The following E2F5 variants were observed in gnomAD, a reference collection of about 807,000 sequenced individuals.
E2F5 encodes E2F transcription factor 5.
E2F5 carries 23 observed loss-of-function variants against 39.1 expected under a neutral mutation model. The ratio of observed to expected loss-of-function variants is 0.59; its 90% CI spans 0.42 to 0.83. E2F5 has a LOEUF of 0.83. Among genes scored for constraint, E2F5 ranks in the 40% least tolerant of loss-of-function variants. The probability of loss-of-function intolerance (pLI) is 0.00; values close to 1 mark genes in which losing one functional copy is unlikely to be tolerated. For synonymous variants in E2F5, 145 were observed against 157.8 expected (o/e 0.92, Z 0.61); for missense variants, 365 against 406.7 (o/e 0.90, Z 0.88).
At chr8:85,192,827 A>G (rs1223592256) in intron 1 of E2F5, among the ~76,000 whole-genome samples, 1 of 152,260 alleles carries the variant, frequency 6.6e-6, no homozygotes, top group East Asian at 1.9e-4. Flanking sequence ...GTAGCATGGT[A>G]TCTCTGAGTT....
intron 1 of E2F5, among the ~76,000 whole-genome samples, chr8:85,190,235 C>T (rs919962333): frequency 6.6e-6 from 1 of 152,012 alleles, no homozygotes; most frequent in Admixed American, 6.6e-5. Context: ...GACTTCTGCA[C>T]GTGTGTGAAA....
chr8:85,206,161 A>G lies in E2F5; in HGVS notation c.507-16A>G, dbSNP rs1317406139. 3.1e-6 allele frequency: 5 copies of G among 1,611,696 alleles called. No homozygotes were observed. The highest frequency in any genetic ancestry group is 3.4e-6 in the Non-Finnish European group (4 of 1,178,854). On this transcript the variant is annotated splice_polypyrimidine_tract_variant and intron_variant, in intron 3 of 7. Coordinates refer to ENST00000416274, the MANE Select transcript of E2F5 (RefSeq NM_001951.4). Reference sequence around the variant, plus strand: ...GGCTTGATATAAATGTCGTTCCTTAACTCCTATGACAGTACATTTTCCTAT... The same window carrying G: ...GGCTTGATATAAATGTCGTTCCTTAGCTCCTATGACAGTACATTTTCCTAT...
intron 6 of E2F5, among the ~76,000 whole-genome samples, chr8:85,211,661 T>TG (rs1563984389): frequency 7.1e-6 from 1 of 141,184 alleles, no homozygotes; most frequent in African/African-American, 2.7e-5. Flanking sequence ...TTTTTTTTTT[T>TG]TTTTTTTTTT....
chr8:85,211,436 T>C (rs949533960), intron 6 of E2F5, among the ~76,000 whole-genome samples: 4 of 151,474 alleles, frequency 2.6e-5, no homozygotes, highest in African/African-American at 9.7e-5. Flanking sequence ...GCTAAAACAG[T>C]GATTACAGTG....
Position 85,198,088 on chromosome 8 carries a change from C to G in E2F5, c.235-4059C>G, listed in dbSNP as rs534003814. Among the ~76,000 whole-genome samples, 38 of 152,320 alleles carry G rather than the reference C, an allele frequency of 2.5e-4. No homozygotes were observed. The South Asian group carries it at 7.3e-3, about 29-fold the overall frequency. On this transcript the variant is annotated intron_variant, in intron 1 of 7. Transcript: ENST00000416274. Reference sequence around the variant, plus strand: ...ATAAAAATCAACCAGAAGGAAATGTCTAACCTTTCTCCCTACCTGGTCTAC... The same window carrying G: ...ATAAAAATCAACCAGAAGGAAATGTGTAACCTTTCTCCCTACCTGGTCTAC...
In E2F5 at chr8:85,213,827, T is replaced by C; in HGVS notation, c.1006T>C (p.Cys336Arg). ...TAATTTAGATGATAACGAAGGAGTT[T>C]GTGATCTGTTTGATGTCCAGATACT... ...NFNLDDNEGV[C>R]DLFDVQILNY The change falls in exon 8 of 8, where the codon TGT becomes CGT. Residue 336 changes from cysteine (C) to arginine (R), a missense_variant. Coordinates refer to ENST00000416274, the MANE Select transcript of E2F5 (RefSeq NM_001951.4). 1.9e-6 allele frequency: 3 copies of C among 1,612,718 alleles called. No individual in the cohort carries two copies. Among genetic ancestry groups the C allele is most frequent in the Non-Finnish European group, 2.5e-6 (3 of 1,178,944 alleles).
rs772091053 is a variant in E2F5 at position 85,206,212 on chromosome 8, G to T, written c.542G>T (p.Cys181Phe). 1.2e-6 allele frequency: 2 copies of T among 1,612,746 alleles called. No homozygotes were observed. Among genetic ancestry groups the T allele is most frequent in the Non-Finnish European group, 8.5e-7 (1 of 1,179,488 alleles). ...GTAACTCATGAAGACATCTGTAATT[G>T]CTTTAATGGTAAGTACCATTAGACT... ...SYVTHEDICN[C>F]FNGDTLLAIQ... The change falls in exon 4 of 8, where the codon TGC (cysteine) becomes TTC (phenylalanine). Residue 181 changes from cysteine to phenylalanine, a missense_variant. Physicochemically the swap from Cys to Phe is radical, Grantham distance 205. Transcript: ENST00000416274.
At chr8:85,191,511 A>G (rs187532972) in intron 1 of E2F5, among the ~76,000 whole-genome samples, 1 of 152,364 alleles carries the variant, frequency 6.6e-6, no homozygotes, top group East Asian at 1.9e-4. Context: ...CAATGTATAC[A>G]TATATCAAAA....
chr8:85,193,348 G>A (rs1812509278), intron 1 of E2F5, among the ~76,000 whole-genome samples: 1 of 152,046 alleles, frequency 6.6e-6, no homozygotes, highest in Non-Finnish European at 1.5e-5. Flanking sequence ...GCTGGGCCTG[G>A]TGGTGGGTGC....
At chr8:85,190,067 A>G (rs370444029) in intron 1 of E2F5, among the ~76,000 whole-genome samples, 10 of 152,318 alleles carry the variant, frequency 6.6e-5, no homozygotes, top group African/African-American at 2.2e-4. Context: ...TCAGACACCT[A>G]CAAGATCCTG....
intron 1 of E2F5, among the ~76,000 whole-genome samples, chr8:85,179,480 G>T (rs1276760814): frequency 6.6e-6 from 1 of 151,996 alleles, no homozygotes; most frequent in Admixed American, 6.6e-5. Flanking sequence ...ATTCATTCTG[G>T]AACTCTCCTA....
At chr8:85,181,224 T>C (rs1812205814) in intron 1 of E2F5, among the ~76,000 whole-genome samples, 1 of 152,164 alleles carries the variant, frequency 6.6e-6, no homozygotes, top group African/African-American at 2.4e-5. Flanking sequence ...AAGTAAAATA[T>C]CCAAATATTT....
chr8:85,197,761 T>C (rs1245497160), intron 1 of E2F5, among the ~76,000 whole-genome samples: 1 of 152,210 alleles, frequency 6.6e-6, no homozygotes, highest in Admixed American at 6.5e-5. Flanking sequence ...GAAATATATA[T>C]ACTTATTCAA....
chr8:85,211,569 A>G (rs1253156318), intron 6 of E2F5, among the ~76,000 whole-genome samples: 4 of 151,596 alleles, frequency 2.6e-5, no homozygotes, highest in Admixed American at 6.6e-5. Flanking sequence ...TTAAGGTTGA[A>G]TAACTGGGAG....
chr8:85,209,423 C>T lies in E2F5; in HGVS notation c.883+14C>T, dbSNP rs563471757. On this transcript the variant is annotated intron_variant, in intron 6 of 7. Coordinates refer to ENST00000416274, the MANE Select transcript of E2F5 (RefSeq NM_001951.4). The stretch of plus-strand genomic sequence containing the variant: ...ATATATCTTCAGGTGGGTTCAGAGC[C>T]TTTCTTTTGTAAATTAGAGAGGGAG... 1.1e-5 allele frequency: 17 copies of T among 1,580,860 alleles called. No individual in the cohort carries two copies. In the African/African-American group the frequency reaches 2.2e-4, roughly 20 times the overall value.
At position 85,177,312 on chromosome 8, in the gene E2F5, C is replaced by T; in HGVS notation, c.-109C>T. 7.7e-6 allele frequency: 7 copies of T among 912,760 alleles called. No individual in the cohort carries two copies. Among genetic ancestry groups the T allele is most frequent in the Non-Finnish European group, 7.9e-6 (6 of 763,640 alleles). The allele number at this position is 912,760 out of a possible 1,614,324, so 56.5% of individuals were successfully genotyped here. A position where few individuals can be genotyped will look rare whatever the true frequency, so the allele number is the denominator to read the frequency against. ...GCAGCCAGCGACCCGCACTACCGCT[C>T]TCGGCGGGCGGGGAAGCGGCCGCAG... On this transcript the variant is annotated 5_prime_UTR_variant, in exon 1 of 8. Transcript: ENST00000416274.
chr8:85,182,201 T>C (rs1812234788), intron 1 of E2F5, among the ~76,000 whole-genome samples: 1 of 152,218 alleles, frequency 6.6e-6, no homozygotes, highest in Non-Finnish European at 1.5e-5. Flanking sequence ...AGCTACGTGG[T>C]TTGCCAGTTT....
chr8:85,184,731 G>A (rs1251353187), intron 1 of E2F5, among the ~76,000 whole-genome samples: 1 of 152,046 alleles, frequency 6.6e-6, no homozygotes, highest in African/African-American at 2.4e-5. Flanking sequence ...AACAGACAAA[G>A]AGCCAAATCA....
intron 3 of E2F5, among the ~76,000 whole-genome samples, chr8:85,203,493 T>G (rs1812736635): frequency 6.6e-6 from 1 of 152,124 alleles, no homozygotes; most frequent in Non-Finnish European, 1.5e-5. Flanking sequence ...AAAAAGAGAT[T>G]AGCCAACTTT....
Sources: gnomAD v4.1 joint callset for allele counts (sites outside exome capture counted in the v4.1 genomes callset) on GRCh38, gnomAD v4.1.1 for gene constraint, MANE v1.5 for transcripts, NCBI Gene and HGNC (gene_info 2026-07-23, HGNC 2026-07-21) for gene names.